Variants in NLGN4Y observed in about 807,000 individuals in gnomAD.
NLGN4Y encodes neuroligin 4 Y-linked, also known as neuroligin-4, Y-linked.
Under a neutral mutation model 8.4 loss-of-function variants are expected in NLGN4Y, and 4 were observed. That is an observed-to-expected ratio of 0.48 (90% CI 0.23 to 1.09). The LOEUF (loss-of-function observed/expected upper bound fraction) is 1.09. Among genes scored for constraint, NLGN4Y ranks in the 50% least tolerant of loss-of-function variants. The pLI, the probability that NLGN4Y is intolerant of heterozygous loss-of-function variation, is 0.19. For synonymous variants in NLGN4Y, 35 were observed against 75.6 expected (o/e 0.46, Z 2.78); for missense variants, 90 against 192.3 (o/e 0.47, Z 3.15).
chrY:14,552,839 C>T, intron 1 of NLGN4Y, among the ~76,000 whole-genome samples: 1 of 33,860 alleles, frequency 3.0e-5, no homozygotes, highest in African/African-American at 1.2e-4. Context: ...AAGCTGGAAG[C>T]ATTCCCTTTG....
chrY:14,536,868 A>G (rs2080136611), intron 1 of NLGN4Y, among the ~76,000 whole-genome samples: 2 of 33,578 alleles, frequency 6.0e-5, no homozygotes, highest in Admixed American at 5.4e-4. Flanking sequence ...TGACCTCACC[A>G]CTGCATTGCA....
At chrY:14,597,457 C>T (rs890893538) in intron 1 of NLGN4Y, among the ~76,000 whole-genome samples, 3 of 32,755 alleles carry the variant, frequency 9.2e-5, no homozygotes, top group Non-Finnish European at 1.5e-4. Flanking sequence ...TGCTGCTTGG[C>T]GCGTTTACAA....
At chrY:14,722,861 C>T (rs1603503211) in intron 3 of NLGN4Y, among the ~76,000 whole-genome samples, 6 of 2,245 alleles carry the variant, frequency 2.7e-3, no homozygotes, top group Admixed American at 0.012. Flanking sequence ...AGCGAGACTC[C>T]GTCTCAAAAA....
At chrY:14,685,616 C>A in intron 2 of NLGN4Y, among the ~76,000 whole-genome samples, 1 of 33,324 alleles carries the variant, frequency 3.0e-5, no homozygotes, top group Non-Finnish European at 7.4e-5. Context: ...ATTTCCTCAT[C>A]TGTATACTTT....
chrY:14,826,253 T>C, intron 5 of NLGN4Y, among the ~76,000 whole-genome samples: 20 of 33,378 alleles, frequency 6.0e-4, no homozygotes, highest in African/African-American at 1.2e-4. Context: ...TTCTGTGTCA[T>C]TGGTAGGCTT....
chrY:14,553,779 A>T, intron 1 of NLGN4Y, among the ~76,000 whole-genome samples: 1 of 30,823 alleles, frequency 3.2e-5, no homozygotes, highest in Non-Finnish European at 7.7e-5. Context: ...TACACGAGTA[A>T]CACTATACTA....
At chrY:14,676,763 T>A in intron 2 of NLGN4Y, among the ~76,000 whole-genome samples, 9 of 33,788 alleles carry the variant, frequency 2.7e-4, no homozygotes, top group African/African-American at 1.0e-3. Flanking sequence ...ATTCAAATAC[T>A]GAGAAATACT....
chrY:14,802,768 A>AAAT (rs2043040702), intron 4 of NLGN4Y, among the ~76,000 whole-genome samples: 1 of 17,563 alleles, frequency 5.7e-5, no homozygotes, highest in South Asian at 1.1e-3. Flanking sequence ...ATTATATATA[A>AAAT]AATATATTTC....
At chrY:14,659,266 G>A (rs2080665982) in intron 2 of NLGN4Y, among the ~76,000 whole-genome samples, 1 of 32,855 alleles carries the variant, frequency 3.0e-5, no homozygotes, top group Non-Finnish European at 7.4e-5. Flanking sequence ...TTGAACCTCC[G>A]TCTGTGTGCA....
intron 2 of NLGN4Y, among the ~76,000 whole-genome samples, chrY:14,713,895 A>G: frequency 2.9e-5 from 1 of 34,193 alleles, no homozygotes. Context: ...GATTAGGGAA[A>G]TTGAGATTTT....
At chrY:14,596,161 A>G (rs2080396578) in intron 1 of NLGN4Y, among the ~76,000 whole-genome samples, 1 of 33,349 alleles carries the variant, frequency 3.0e-5, no homozygotes, top group African/African-American at 1.2e-4. Context: ...GAGGCTCCCC[A>G]TATCCTAGCT....
At chrY:14,580,877 GAAAAAAAAAAAA>G (rs748606939) in intron 1 of NLGN4Y, among the ~76,000 whole-genome samples, 15 of 3,102 alleles carry the variant, frequency 4.8e-3, no homozygotes, top group South Asian at 0.023. Flanking sequence ...CATCTGTATG[GAAAAAAAAAAAA>G]AAAAAAAAAA....
chrY:14,830,223 G>A lies in NLGN4Y; in HGVS notation c.1365G>A (p.Thr455=). The change falls in exon 6 of 7, where the codon ACG becomes ACA. Residue 455 remains threonine (T), a synonymous_variant. Coordinates refer to ENST00000684976, the MANE Select transcript of NLGN4Y (RefSeq NM_001365588.1). The part of the protein sequence containing the change: ...TDWADKENPE[T]RRKTLVALFT... ...GGGCCGATAAGGAAAACCCGGAGAC[G>A]CGGCGGAAAACCCTGGTGGCTCTCT... is the stretch of plus-strand genomic sequence containing the variant. The A allele has an allele frequency of 2.5e-6, 1 of 398,759 alleles. No homozygotes were observed. Among genetic ancestry groups the A allele is most frequent in the South Asian group, 3.0e-5 (1 of 33,784 alleles).
intron 4 of NLGN4Y, among the ~76,000 whole-genome samples, chrY:14,791,306 T>A (rs758391927): frequency 3.0e-5 from 1 of 33,349 alleles, no homozygotes; most frequent in Non-Finnish European, 7.4e-5. Flanking sequence ...AATGACTGGA[T>A]ATGAAACCTA....
Position 14,622,106 on chromosome Y carries a change from T to C in NLGN4Y, c.-14T>C. 1.1e-5 allele frequency: 4 copies of C among 379,793 alleles called. No individual in the cohort carries two copies. The highest frequency in any genetic ancestry group is 1.5e-5 in the Non-Finnish European group (4 of 267,510). The allele number at this position is 379,793 out of a possible 400,897, so 94.7% of individuals were successfully genotyped here. On this transcript the variant is annotated 5_prime_UTR_variant, in exon 2 of 7. An upstream start codon of the reference 5' UTR is lost. Coordinates refer to ENST00000684976, the MANE Select transcript of NLGN4Y (RefSeq NM_001365588.1). Reference sequence around the variant, plus strand: ...TCACTTAGACAGCTTCGGATGTGGATGCAGATTTGAACCATGTTGCGTCCC... The same window carrying C: ...TCACTTAGACAGCTTCGGATGTGGACGCAGATTTGAACCATGTTGCGTCCC...
At chrY:14,573,983 C>A in intron 1 of NLGN4Y, among the ~76,000 whole-genome samples, 4 of 33,497 alleles carry the variant, frequency 1.2e-4, no homozygotes, top group African/African-American at 2.3e-4. Context: ...GATTTCTATT[C>A]TTTCACATTT....
At chrY:14,592,605 A>C in intron 1 of NLGN4Y, among the ~76,000 whole-genome samples, 4 of 32,315 alleles carry the variant, frequency 1.2e-4, no homozygotes, top group Non-Finnish European at 2.3e-4. Flanking sequence ...TGTTAACTGC[A>C]ATGGGAGTAG....
chrY:14,820,631 C>T, intron 4 of NLGN4Y, among the ~76,000 whole-genome samples: 1 of 32,516 alleles, frequency 3.1e-5, no homozygotes. Context: ...CAGTTTATAC[C>T]ATAAATCATT....
intron 2 of NLGN4Y, among the ~76,000 whole-genome samples, chrY:14,710,388 C>A: frequency 3.0e-5 from 1 of 33,245 alleles, no homozygotes; most frequent in South Asian, 6.9e-4. Flanking sequence ...TGCAGTGGCA[C>A]ACACCTGTAG....
Sources: allele counts gnomAD v4.1 joint callset (sites outside exome capture counted in the v4.1 genomes callset), GRCh38; gene constraint gnomAD v4.1.1; transcripts MANE v1.5; gene names NCBI Gene and HGNC (gene_info 2026-07-23, HGNC 2026-07-21).